SPIRE1: variants seen among roughly 807,000 people sequenced by gnomAD.
SPIRE1 encodes spire type actin nucleation factor 1.
Under a neutral mutation model 94.1 loss-of-function variants are expected in SPIRE1, and 40 were observed. That is an observed-to-expected ratio of 0.43 (90% CI 0.33 to 0.55). SPIRE1 has a LOEUF of 0.55. Among genes scored for constraint, SPIRE1 ranks in the 20% least tolerant of loss-of-function variants. The probability of loss-of-function intolerance (pLI) is 0.06; values close to 1 mark genes in which losing one functional copy is unlikely to be tolerated. For synonymous variants in SPIRE1, 376 were observed against 371.7 expected, an observed-to-expected ratio of 1.01 and a Z score of -0.13; for missense variants, 838 against 975.2, an observed-to-expected ratio of 0.86 and a Z score of 1.87.
intron 2 of SPIRE1, among the ~76,000 whole-genome samples, chr18:12,616,899 G>A (rs1056812124): frequency 2.6e-5 from 4 of 152,020 alleles, no homozygotes; most frequent in Non-Finnish European, 4.4e-5. Flanking sequence ...TTGCTCTGTC[G>A]CCCAGGCTGG....
intron 2 of SPIRE1, among the ~76,000 whole-genome samples, chr18:12,593,963 A>AT (rs975517206): frequency 1.3e-5 from 2 of 151,888 alleles, no homozygotes; most frequent in Non-Finnish European, 2.9e-5. Flanking sequence ...GAAAAAAAAA[A>AT]AATAAGAAGA....
At chr18:12,638,962 T>C (rs1424804851) in intron 1 of SPIRE1, among the ~76,000 whole-genome samples, 1 of 152,122 alleles carries the variant, frequency 6.6e-6, no homozygotes, top group Non-Finnish European at 1.5e-5. Context: ...TCTTTATAAA[T>C]TACCCAGTCT....
chr18:12,661,356 C>A (rs2144935060), upstream of SPIRE1: 1 of 984,796 alleles, frequency 1.0e-6, no homozygotes, highest in East Asian at 1.1e-4. Context: ...TCCATCATCA[C>A]AACACTCTGA....
intron 1 of SPIRE1, among the ~76,000 whole-genome samples, chr18:12,639,243 C>T (rs767060158): frequency 2.7e-5 from 4 of 149,988 alleles, no homozygotes; most frequent in South Asian, 2.1e-4. Flanking sequence ...CCACCCTGGG[C>T]GAGACAGCGC....
At chr18:12,452,580 T>C (rs749805463) in intron 14 of SPIRE1, 68 bp from the exon 15 acceptor site, 30 of 1,491,008 alleles carry the variant, frequency 2.0e-5, no homozygotes, top group Non-Finnish European at 2.8e-5. Flanking sequence ...TAGAGAAGCC[T>C]ATGGCAGTAC....
At chr18:12,492,984 G>T (rs746310542) in intron 8 of SPIRE1, 88 bp downstream of exon 8, 114 of 1,426,492 alleles carry the variant, frequency 8.0e-5, no homozygotes, top group Middle Eastern at 7.7e-4. Flanking sequence ...CAAGGAATGA[G>T]AACTCTTTAC....
At chr18:12,607,871 C>T (rs1046240733) in intron 2 of SPIRE1, among the ~76,000 whole-genome samples, 1 of 152,014 alleles carries the variant, frequency 6.6e-6, no homozygotes, top group Admixed American at 6.6e-5. Context: ...AATATCTCAC[C>T]TACGGCCGGG....
intron 2 of SPIRE1, among the ~76,000 whole-genome samples, chr18:12,626,887 T>TA (rs1555634099): frequency 0.32 from 16,987 of 52,612 alleles, 1,372 homozygotes; most frequent in East Asian, 0.45. Flanking sequence ...TATATATATA[T>TA]TTTTTTTTTT....
intron 2 of SPIRE1, among the ~76,000 whole-genome samples, chr18:12,547,387 T>C (rs1244690365): frequency 3.3e-5 from 5 of 152,112 alleles, no homozygotes; most frequent in Non-Finnish European, 7.4e-5. Context: ...TTGCAAACCC[T>C]GAATTTTCAA....
intron 4 of SPIRE1, among the ~76,000 whole-genome samples, chr18:12,525,463 A>G (rs928045133): frequency 1.3e-5 from 2 of 151,876 alleles, no homozygotes; most frequent in African/African-American, 4.8e-5. Context: ...TAAAATATCA[A>G]TATTTAATTC....
At chr18:12,644,662 G>A (rs1168700099) in intron 1 of SPIRE1, among the ~76,000 whole-genome samples, 1 of 152,130 alleles carries the variant, frequency 6.6e-6, no homozygotes. Flanking sequence ...GGCAACAAAG[G>A]TCTAATCACA....
At chr18:12,618,307 A>G (rs1415483695) in intron 2 of SPIRE1, among the ~76,000 whole-genome samples, 1 of 151,920 alleles carries the variant, frequency 6.6e-6, no homozygotes, top group Admixed American at 6.6e-5. Flanking sequence ...TCCCCGTGTT[A>G]GCCAGGATGG....
In SPIRE1 at chr18:12,591,206, G is replaced by A. The variant is rs550795769; in HGVS notation, c.372+43856C>T. On this transcript the variant is annotated intron_variant, in intron 2 of 16. Coordinates refer to ENST00000409402, the MANE Select transcript of SPIRE1 (RefSeq NM_001128626.2). ...AGGAGTAGAATGGAAGGAGGTGAGA[G>A]GCTAAGTATGCGACTATCCAGGGAA... Among the ~76,000 whole-genome samples, 6 of 152,310 alleles carry A rather than the reference G, an allele frequency of 3.9e-5. No individual in the cohort carries two copies. In the South Asian group the frequency reaches 6.2e-4, roughly 16 times the overall value.
intron 9 of SPIRE1, among the ~76,000 whole-genome samples, chr18:12,483,180 A>G (rs118025711): frequency 0.01 from 1,575 of 152,120 alleles, 10 homozygotes; most frequent in Middle Eastern, 0.02. Flanking sequence ...GTCTTATTTT[A>G]AACTCCTGGG....
At chr18:12,459,511 G>A (rs1170086637) in intron 12 of SPIRE1, among the ~76,000 whole-genome samples, 1 of 152,228 alleles carries the variant, frequency 6.6e-6, no homozygotes, top group Non-Finnish European at 1.5e-5. Flanking sequence ...TAGGTCACCC[G>A]AGGAGACAAA....
chr18:12,623,927 C>CA (rs1304618379), intron 2 of SPIRE1, among the ~76,000 whole-genome samples: 2 of 132,542 alleles, frequency 1.5e-5, no homozygotes, highest in Non-Finnish European at 3.2e-5. Context: ...TGCACTCGGC[C>CA]TTTTTTTTTT....
chr18:12,619,614 C>G (rs924871043), intron 2 of SPIRE1, among the ~76,000 whole-genome samples: 1 of 151,512 alleles, frequency 6.6e-6, no homozygotes, highest in Non-Finnish European at 1.5e-5. Flanking sequence ...TTTGGGAGGC[C>G]GAGGTGGGTG....
chr18:12,521,744 T>C (rs145674972), intron 4 of SPIRE1, among the ~76,000 whole-genome samples: 1 of 152,120 alleles, frequency 6.6e-6, no homozygotes, highest in Admixed American at 6.5e-5. Flanking sequence ...TTCTGTCACA[T>C]TTTGGTAATT....
At chr18:12,615,735 A>G (rs1169548670) in intron 2 of SPIRE1, among the ~76,000 whole-genome samples, 1 of 152,110 alleles carries the variant, frequency 6.6e-6, no homozygotes, top group Non-Finnish European at 1.5e-5. Context: ...TGCCAAATAA[A>G]TCAATTGTAC....
Sources: allele counts gnomAD v4.1 joint callset (sites outside exome capture counted in the v4.1 genomes callset), GRCh38; gene constraint gnomAD v4.1.1; transcripts MANE v1.5; gene names NCBI Gene and HGNC (gene_info 2026-07-23, HGNC 2026-07-21).